HDAC4: variants seen among roughly 807,000 people sequenced by gnomAD.
The protein encoded by HDAC4 is histone deacetylase A.
HDAC4 carries 16 observed loss-of-function variants against 135.1 expected under a neutral mutation model. The ratio of observed to expected loss-of-function variants is 0.12; its 90% CI spans 0.08 to 0.18. The LOEUF (loss-of-function observed/expected upper bound fraction) is 0.18, where lower values mean the gene tolerates loss of function less well. HDAC4 is among the 10% of genes least tolerant of loss of function. The probability of loss-of-function intolerance (pLI) is 1.00; values close to 1 mark genes in which losing one functional copy is unlikely to be tolerated. For synonymous variants in HDAC4, 685 were observed against 653.4 expected (o/e 1.05, Z -0.74); for missense variants, 1,143 against 1,511.8 (o/e 0.76, Z 4.05).
chr2:239,381,519 C>T (rs899153322), intron 1 of HDAC4, among the ~76,000 whole-genome samples: 1 of 152,162 alleles, frequency 6.6e-6, no homozygotes, highest in African/African-American at 2.4e-5. Context: ...CACCCCCAAG[C>T]TGGTAAATGA....
intron 19 of HDAC4, among the ~76,000 whole-genome samples, chr2:239,085,043 C>CAG (rs56297930): frequency 0.15 from 11,757 of 80,830 alleles, 539 homozygotes; most frequent in Admixed American, 0.21. Flanking sequence ...GACAGACAGA[C>CAG]ACACACACAC....
chr2:239,061,051 G>C (rs138439168), intron 24 of HDAC4, among the ~76,000 whole-genome samples: 1 of 152,278 alleles, frequency 6.6e-6, no homozygotes, highest in Non-Finnish European at 1.5e-5. Flanking sequence ...GAGCAAGCGG[G>C]ACACACGACG....
At chr2:239,326,137 T>C (rs1288890055) in intron 2 of HDAC4, among the ~76,000 whole-genome samples, 1 of 145,106 alleles carries the variant, frequency 6.9e-6, no homozygotes, top group African/African-American at 2.5e-5. Flanking sequence ...CACCAAGAGA[T>C]GGAATAAATA....
rs867171165 is a variant in HDAC4 at position 239,320,739 on chromosome 2, T to C, written c.22+31939A>G. Among the ~76,000 whole-genome samples, 33 of 152,330 alleles carry C rather than the reference T, an allele frequency of 2.2e-4. 1 individual carries two copies. The highest frequency in any genetic ancestry group is 6.8e-3 in the Middle Eastern group (2 of 294). ...AAACTGCTGACATCTCAAGCCATACTGAACACATGTGCTACCGTAAGGTCA... is the reference window on the plus strand; with the variant it reads ...AAACTGCTGACATCTCAAGCCATACCGAACACATGTGCTACCGTAAGGTCA... On this transcript the variant is annotated intron_variant, in intron 2 of 26. Coordinates refer to ENST00000543185, the MANE Select transcript of HDAC4 (RefSeq NM_001378414.1).
At chr2:239,136,169 G>A (rs765385608) in intron 9 of HDAC4, among the ~76,000 whole-genome samples, 13 of 152,292 alleles carry the variant, frequency 8.5e-5, no homozygotes, top group Non-Finnish European at 1.5e-4. Context: ...GTGGGGTTTG[G>A]CAGATAGAAA....
At chr2:239,058,293 T>C (rs1206305018) in intron 24 of HDAC4, among the ~76,000 whole-genome samples, 1 of 152,050 alleles carries the variant, frequency 6.6e-6, no homozygotes, top group Non-Finnish European at 1.5e-5. Context: ...AAACCCTCAA[T>C]TACCCCAAGA....
At chr2:239,249,565 T>C (rs2048663525) in intron 2 of HDAC4, among the ~76,000 whole-genome samples, 1 of 152,188 alleles carries the variant, frequency 6.6e-6, no homozygotes, top group African/African-American at 2.4e-5. Context: ...CTTTGAATCA[T>C]TACTTTGTGA....
chr2:239,132,636 G>A (rs1250548241), intron 11 of HDAC4, among the ~76,000 whole-genome samples: 4 of 152,224 alleles, frequency 2.6e-5, no homozygotes, highest in African/African-American at 4.8e-5. Context: ...AAGCAACGCC[G>A]AGTTCAGTGC....
At chr2:239,258,761 G>A (rs1161277301) in intron 2 of HDAC4, among the ~76,000 whole-genome samples, 1 of 152,186 alleles carries the variant, frequency 6.6e-6, no homozygotes, top group Non-Finnish European at 1.5e-5. Flanking sequence ...AGAAGAGACA[G>A]GACAAAGGAG....
At chr2:239,236,522 G>A (rs2047897286) in intron 3 of HDAC4, 71 bp downstream of exon 3, 1 of 1,248,010 alleles carries the variant, frequency 8.0e-7, no homozygotes, top group Non-Finnish European at 1.1e-6. Flanking sequence ...CCTCCAATAA[G>A]GCAGAGCGTC....
chr2:239,288,097 T>C (rs2051239261), intron 2 of HDAC4, among the ~76,000 whole-genome samples: 1 of 148,286 alleles, frequency 6.7e-6, no homozygotes, highest in Non-Finnish European at 1.5e-5. Flanking sequence ...AAAAGGAAAA[T>C]TACCGTCCAC....
intron 3 of HDAC4, among the ~76,000 whole-genome samples, chr2:239,228,485 C>T (rs552475273): frequency 1.8e-4 from 27 of 152,210 alleles, no homozygotes; most frequent in African/African-American, 5.5e-4. Context: ...TTCTTGGCCC[C>T]GCAGTGTTTC....
At chr2:239,315,419 A>C (rs938463060) in intron 2 of HDAC4, among the ~76,000 whole-genome samples, 3 of 152,240 alleles carry the variant, frequency 2.0e-5, no homozygotes, top group African/African-American at 7.2e-5. Flanking sequence ...GAAAGAAAGA[A>C]GAGAGATGAT....
chr2:239,376,967 A>G (rs1426260310), intron 1 of HDAC4, among the ~76,000 whole-genome samples: 1 of 151,962 alleles, frequency 6.6e-6, no homozygotes, highest in Non-Finnish European at 1.5e-5. Flanking sequence ...GAGCTATTCC[A>G]CGCCCGTCCC....
At chr2:239,189,657 G>A (rs998469364) in intron 4 of HDAC4, among the ~76,000 whole-genome samples, 176 bp downstream of exon 4, 1 of 152,162 alleles carries the variant, frequency 6.6e-6, no homozygotes, top group Admixed American at 6.5e-5. Flanking sequence ...CACAATACAC[G>A]CAAGTGCTGC....
chr2:239,273,938 A>G (rs992191659), intron 2 of HDAC4, among the ~76,000 whole-genome samples: 4 of 152,234 alleles, frequency 2.6e-5, no homozygotes, highest in African/African-American at 9.6e-5. Flanking sequence ...ATGACTGATT[A>G]TTTGATGGAT....
intron 2 of HDAC4, among the ~76,000 whole-genome samples, chr2:239,253,302 A>G (rs1156389280): frequency 2.6e-5 from 4 of 152,246 alleles, no homozygotes; most frequent in Admixed American, 2.6e-4. Context: ...TTATACCCAT[A>G]AAGTCCCACA....
chr2:239,294,606 C>A (rs2051739953), intron 2 of HDAC4, among the ~76,000 whole-genome samples: 2 of 152,052 alleles, frequency 1.3e-5, no homozygotes, highest in South Asian at 4.2e-4. Flanking sequence ...GGGGCACACA[C>A]AGATGTATTT....
intron 2 of HDAC4, among the ~76,000 whole-genome samples, chr2:239,257,064 A>C (rs569696131): frequency 6.6e-6 from 1 of 152,214 alleles, no homozygotes; most frequent in Non-Finnish European, 1.5e-5. Context: ...TGGGTAAATA[A>C]CAGAATAAGC....
Sources: allele counts gnomAD v4.1 joint callset (sites outside exome capture counted in the v4.1 genomes callset), GRCh38; gene constraint gnomAD v4.1.1; transcripts MANE v1.5; gene names NCBI Gene and HGNC (gene_info 2026-07-23, HGNC 2026-07-21).